CDH12: variants seen among roughly 807,000 people sequenced by gnomAD.
CDH12 encodes cadherin 12.
A neutral mutation model predicts 74.1 loss-of-function variants in CDH12; 41 were observed. That is an observed-to-expected ratio of 0.55 (90% CI 0.43 to 0.72). CDH12 has a LOEUF of 0.72. Among genes scored for constraint, CDH12 ranks in the 30% least tolerant of loss-of-function variants. The pLI is 0.00. For synonymous variants in CDH12, 399 were observed against 355.0 expected (o/e 1.12, Z -1.39); for missense variants, 945 against 977.2 (o/e 0.97, Z 0.44).
intron 8 of CDH12, among the ~76,000 whole-genome samples, chr5:21,837,317 A>G (rs1222575860): frequency 1.3e-5 from 2 of 151,442 alleles, no homozygotes; most frequent in Non-Finnish European, 2.9e-5. Flanking sequence ...TGCATGATAC[A>G]AATGCCTATG....
intron 5 of CDH12, among the ~76,000 whole-genome samples, chr5:22,063,382 C>A (rs1307471575): frequency 6.6e-6 from 1 of 152,094 alleles, no homozygotes; most frequent in African/African-American, 2.4e-5. Context: ...ACCCTTCTCT[C>A]TTCCATCACA....
chr5:22,831,440 T>C (rs1736608163), intron 1 of CDH12, among the ~76,000 whole-genome samples: 1 of 150,972 alleles, frequency 6.6e-6, no homozygotes, highest in Admixed American at 6.6e-5. Flanking sequence ...GCATGGTGAG[T>C]GTTATGTCTA....
intron 3 of CDH12, among the ~76,000 whole-genome samples, chr5:22,257,341 G>T (rs1322586177): frequency 6.6e-6 from 1 of 151,486 alleles, no homozygotes; most frequent in Non-Finnish European, 1.5e-5. Flanking sequence ...TAAAATATAA[G>T]TTAAAAATTT....
At chr5:22,452,152 A>G (rs1041261341) in intron 2 of CDH12, among the ~76,000 whole-genome samples, 1 of 151,962 alleles carries the variant, frequency 6.6e-6, no homozygotes, top group South Asian at 2.1e-4. Flanking sequence ...TACTATCCAA[A>G]GTGACATAGA....
intron 5 of CDH12, among the ~76,000 whole-genome samples, chr5:22,076,533 A>G (rs1335475428): frequency 6.6e-6 from 1 of 152,172 alleles, no homozygotes; most frequent in Non-Finnish European, 1.5e-5. Flanking sequence ...AGTTGAAATA[A>G]CTGATATCTA....
intron 1 of CDH12, among the ~76,000 whole-genome samples, chr5:22,601,722 T>C (rs1736862514): frequency 6.6e-6 from 1 of 152,098 alleles, no homozygotes; most frequent in South Asian, 2.1e-4. Flanking sequence ...TACTCCATTT[T>C]ACAGCTGTGA....
At chr5:22,563,616 A>G (rs1206187795) in intron 1 of CDH12, among the ~76,000 whole-genome samples, 1 of 152,108 alleles carries the variant, frequency 6.6e-6, no homozygotes, top group Non-Finnish European at 1.5e-5. Flanking sequence ...CTACTTCCTT[A>G]TTATTTTTAT....
intron 4 of CDH12, among the ~76,000 whole-genome samples, chr5:22,188,465 CAG>C (rs963003111): frequency 6.6e-6 from 1 of 151,770 alleles, no homozygotes. Context: ...ACAAAACAGA[CAG>C]AGAGAGAGAG....
intron 1 of CDH12, among the ~76,000 whole-genome samples, chr5:22,754,567 G>T (rs1157027290): frequency 3.2e-5 from 1 of 31,692 alleles, no homozygotes; most frequent in African/African-American, 1.1e-4. Flanking sequence ...GTGGAAAGCA[G>T]ACAAAAAAAA....
At chr5:22,127,737 A>G (rs1160990062) in intron 4 of CDH12, among the ~76,000 whole-genome samples, 2 of 152,222 alleles carry the variant, frequency 1.3e-5, no homozygotes, top group African/African-American at 2.4e-5. Context: ...GGCACAATTT[A>G]GAAGATTTGA....
chr5:21,822,087 G>T (rs35486156), intron 8 of CDH12, among the ~76,000 whole-genome samples: 92,044 of 151,622 alleles, frequency 0.61, 29,984 homozygotes, highest in Non-Finnish European at 0.73. Context: ...TTTCCTGATC[G>T]TTTAAAATAT....
intron 6 of CDH12, among the ~76,000 whole-genome samples, chr5:21,901,723 T>C (rs1753395030): frequency 6.6e-6 from 1 of 152,206 alleles, no homozygotes; most frequent in African/African-American, 2.4e-5. Flanking sequence ...CACTTTGAAC[T>C]CCCAAGCAAC....
chr5:22,281,649 A>G (rs1181761443), intron 3 of CDH12, among the ~76,000 whole-genome samples: 1 of 152,188 alleles, frequency 6.6e-6, no homozygotes, highest in African/African-American at 2.4e-5. Context: ...TAAAATACAA[A>G]GGAATACATC....
chr5:21,883,713 A>T, intron 6 of CDH12: 1 of 1,607,432 alleles, frequency 6.2e-7, no homozygotes, highest in East Asian at 2.2e-5. Flanking sequence ...TCAAGAAATC[A>T]TTGGGCAGTT....
At chr5:22,847,405 A>G (rs1276256888) in intron 1 of CDH12, among the ~76,000 whole-genome samples, 4 of 152,132 alleles carry the variant, frequency 2.6e-5, no homozygotes, top group African/African-American at 7.2e-5. Context: ...GCAGGAAGAC[A>G]CTTCATTTGG....
At chr5:22,780,187 A>ATT (rs1747316683) in intron 1 of CDH12, among the ~76,000 whole-genome samples, 1 of 152,106 alleles carries the variant, frequency 6.6e-6, no homozygotes, top group African/African-American at 2.4e-5. Context: ...GGAGTTCAAG[A>ATT]CCAGCCTGAG....
At chr5:22,278,039 G>C (rs1736718599) in intron 3 of CDH12, 1 of 152,172 alleles carries the variant, frequency 6.6e-6, no homozygotes, top group Non-Finnish European at 1.5e-5. Context: ...CCATATTCTG[G>C]AAACAGGGAC....
chr5:22,753,196 A>C (rs994415188), intron 1 of CDH12, among the ~76,000 whole-genome samples: 1 of 151,994 alleles, frequency 6.6e-6, no homozygotes, highest in African/African-American at 2.4e-5. Context: ...AAGAAACAGA[A>C]GTTTATTAAG....
chr5:22,745,495 T>C (rs1745247995), intron 1 of CDH12, among the ~76,000 whole-genome samples: 1 of 152,112 alleles, frequency 6.6e-6, no homozygotes, highest in Non-Finnish European at 1.5e-5. Flanking sequence ...CTATTCACAA[T>C]AGCAAAGTCA....
Sources: allele counts gnomAD v4.1 joint callset (sites outside exome capture counted in the v4.1 genomes callset), GRCh38; gene constraint gnomAD v4.1.1; transcripts MANE v1.5; gene names NCBI Gene and HGNC (gene_info 2026-07-23, HGNC 2026-07-21).